CSMD1: variants seen among roughly 807,000 people sequenced by gnomAD.
The protein encoded by CSMD1 is CUB and sushi domain-containing protein 1.
A neutral mutation model predicts 417.5 loss-of-function variants in CSMD1; 213 were observed. That is an observed-to-expected ratio of 0.51 (90% CI 0.46 to 0.57). The LOEUF (loss-of-function observed/expected upper bound fraction) is 0.57. Ranked by LOEUF, CSMD1 falls within the 20% of genes least tolerant of loss-of-function variation. The pLI, the probability that CSMD1 is intolerant of heterozygous loss-of-function variation, is 0.00. For missense variants in CSMD1, 6,923 were observed against 4,529.7 expected, an observed-to-expected ratio of 1.53 and a Z score of -15.17; for synonymous variants, 2,862 against 1,736.8, an observed-to-expected ratio of 1.65 and a Z score of -16.11.
chr8:4,481,319 A>G (rs1801087192), intron 2 of CSMD1, among the ~76,000 whole-genome samples: 1 of 152,224 alleles, frequency 6.6e-6, no homozygotes, highest in African/African-American at 2.4e-5. Context: ...ATTTTTAATT[A>G]TAATGCATTA....
chr8:4,745,500 T>G (rs542846609), intron 1 of CSMD1, among the ~76,000 whole-genome samples: 1 of 152,294 alleles, frequency 6.6e-6, no homozygotes, highest in South Asian at 2.1e-4. Flanking sequence ...TTTCTTAGAG[T>G]AACTTAACAT....
At chr8:4,821,665 G>A (rs1289964319) in intron 1 of CSMD1, among the ~76,000 whole-genome samples, 6 of 152,116 alleles carry the variant, frequency 3.9e-5, no homozygotes, top group Admixed American at 3.9e-4. Context: ...GAAAGGAAAT[G>A]ATGACTCTGA....
intron 3 of CSMD1, among the ~76,000 whole-genome samples, chr8:4,212,912 A>G (rs964005321): frequency 6.6e-6 from 1 of 152,036 alleles, no homozygotes; most frequent in Non-Finnish European, 1.5e-5. Context: ...GAAAGAAGAC[A>G]CTTCTTCTCA....
chr8:4,230,505 G>A (rs976517620), intron 3 of CSMD1, among the ~76,000 whole-genome samples: 4 of 152,134 alleles, frequency 2.6e-5, no homozygotes, highest in South Asian at 2.1e-4. Flanking sequence ...AATGGTTACT[G>A]TCCTTTCCCA....
chr8:4,892,616 T>C (rs1027021433), intron 1 of CSMD1, among the ~76,000 whole-genome samples: 1 of 152,114 alleles, frequency 6.6e-6, no homozygotes, highest in African/African-American at 2.4e-5. Flanking sequence ...AAAAGTAGTC[T>C]TTCCTTAGAC....
intron 1 of CSMD1, among the ~76,000 whole-genome samples, chr8:4,960,776 A>C (rs2117330217): frequency 6.6e-6 from 1 of 152,330 alleles, no homozygotes; most frequent in South Asian, 2.1e-4. Flanking sequence ...CTTACATCTA[A>C]GCAAGAACAG....
chr8:4,714,011 G>C (rs372225415), intron 1 of CSMD1, among the ~76,000 whole-genome samples: 1 of 152,056 alleles, frequency 6.6e-6, no homozygotes, highest in Non-Finnish European at 1.5e-5. Flanking sequence ...CAAGCATGGT[G>C]GCAGGTGCCT....
chr8:3,563,068 G>A (rs764193572), intron 10 of CSMD1, among the ~76,000 whole-genome samples: 10 of 151,850 alleles, frequency 6.6e-5, no homozygotes, highest in Non-Finnish European at 1.5e-4. Flanking sequence ...TGATCTGGGT[G>A]GGAGGAATTA....
At chr8:4,093,790 A>T (rs150691953) in intron 3 of CSMD1, among the ~76,000 whole-genome samples, 2 of 152,096 alleles carry the variant, frequency 1.3e-5, no homozygotes, top group Non-Finnish European at 2.9e-5. Context: ...GTGAAATCCC[A>T]TATCTACTAA....
chr8:4,839,421 T>C (rs1056482774), intron 1 of CSMD1, among the ~76,000 whole-genome samples: 5 of 152,236 alleles, frequency 3.3e-5, no homozygotes, highest in African/African-American at 1.2e-4. Flanking sequence ...CATTCTACTT[T>C]GTATTTCTAG....
intron 63 of CSMD1, among the ~76,000 whole-genome samples, chr8:2,956,491 T>C (rs571381611): frequency 6.6e-6 from 1 of 152,242 alleles, no homozygotes; most frequent in South Asian, 2.1e-4. Flanking sequence ...TCTCGCTGTG[T>C]TGCCCAGGCT....
intron 54 of CSMD1, among the ~76,000 whole-genome samples, chr8:2,981,965 T>A (rs1323354189): frequency 2.0e-5 from 3 of 152,152 alleles, no homozygotes; most frequent in Admixed American, 6.5e-5. Flanking sequence ...TAGCCCTCGA[T>A]AGGATTCTAG....
intron 2 of CSMD1, among the ~76,000 whole-genome samples, chr8:4,447,359 G>C (rs894026321): frequency 6.6e-5 from 10 of 152,180 alleles, no homozygotes; most frequent in African/African-American, 2.2e-4. Flanking sequence ...TACAAGTTAA[G>C]AGGAAATAGA....
chr8:4,104,976 T>A (rs368276998), intron 3 of CSMD1, among the ~76,000 whole-genome samples: 2 of 144,434 alleles, frequency 1.4e-5, no homozygotes, highest in African/African-American at 5.1e-5. Flanking sequence ...TCGATCATAA[T>A]AGAACAGTTT....
chr8:2,967,028 C>G (rs796555868), intron 57 of CSMD1, among the ~76,000 whole-genome samples: 17 of 152,144 alleles, frequency 1.1e-4, no homozygotes, highest in African/African-American at 3.6e-4. Context: ...AGTTCAAGGC[C>G]CTGTTATTCA....
chr8:4,462,665 T>C (rs1799907124), intron 2 of CSMD1, among the ~76,000 whole-genome samples: 1 of 152,226 alleles, frequency 6.6e-6, no homozygotes. Flanking sequence ...AAAATTCACG[T>C]TCCAGAGATA....
chr8:3,843,113 T>C (rs1391974609), intron 5 of CSMD1, among the ~76,000 whole-genome samples: 2 of 152,152 alleles, frequency 1.3e-5, no homozygotes, highest in East Asian at 1.9e-4. Context: ...CTTTAGAGAG[T>C]TTGAATAAAT....
intron 2 of CSMD1, among the ~76,000 whole-genome samples, chr8:4,466,194 A>C (rs1800156730): frequency 6.6e-6 from 1 of 152,158 alleles, no homozygotes; most frequent in African/African-American, 2.4e-5. Flanking sequence ...AAGATTGGGC[A>C]TGATGCTTTT....
intron 2 of CSMD1, among the ~76,000 whole-genome samples, chr8:4,421,342 A>G (rs867495960): frequency 3.9e-5 from 6 of 152,162 alleles, no homozygotes; most frequent in African/African-American, 1.4e-4. Flanking sequence ...TATTTAATCA[A>G]TATTTATAGT....
Sources: allele counts gnomAD v4.1 joint callset (sites outside exome capture counted in the v4.1 genomes callset), GRCh38; gene constraint gnomAD v4.1.1; transcripts MANE v1.5; gene names NCBI Gene and HGNC (gene_info 2026-07-23, HGNC 2026-07-21).